The following NRTN variants were observed in gnomAD, a reference collection of about 807,000 sequenced individuals.
The protein encoded by NRTN is prepro-neurturin.
Under a neutral mutation model 7.5 loss-of-function variants are expected in NRTN, and 3 were observed. The ratio of observed to expected loss-of-function variants is 0.40; its 90% confidence interval spans 0.18 to 1.03. The LOEUF is 1.03. Among genes scored for constraint, NRTN ranks in the 50% least tolerant of loss-of-function variants. The pLI is 0.34. For synonymous variants in NRTN, 157 were observed against 146.6 expected (o/e 1.07, Z -0.51); for missense variants, 310 against 307.0 (o/e 1.01, Z -0.07).
intron 1 of NRTN, among the ~76,000 whole-genome samples, chr19:5,818,153 AG>A (rs2057012020): frequency 6.6e-6 from 1 of 152,040 alleles, no homozygotes; most frequent in Non-Finnish European, 1.5e-5. Context: ...TAGTAGAGAC[AG>A]GGTTTCACCA....
intron 1 of NRTN, among the ~76,000 whole-genome samples, chr19:5,814,569 G>A (rs1005050330): frequency 1.3e-5 from 2 of 152,172 alleles, no homozygotes; most frequent in African/African-American, 4.8e-5. Flanking sequence ...GGTGGGAAGG[G>A]GAGTGGGGGT....
rs1266881342 is a variant in NRTN, at chr19:5,806,907, G to A, written c.-399+1456G>A. On this transcript the variant is annotated intron_variant, in intron 1 of 2. Transcript: ENST00000303212. The surrounding 1 kb of genome is among the most constrained non-coding windows in gnomAD (Gnocchi z 5.4). ...CACAACACAATCAAAAGATTGTTTC[G>A]ACAAATGTGTGTCGATGGCAACCGC... 2.0e-5 allele frequency among the ~76,000 whole-genome samples: 3 copies of A among 152,154 alleles called. No individual in the cohort carries two copies. The highest frequency in any genetic ancestry group is 6.6e-5 in the Admixed American group (1 of 15,240).
At chr19:5,826,023 T>TA (rs1006411672) in intron 2 of NRTN, among the ~76,000 whole-genome samples, 1 of 151,954 alleles carries the variant, frequency 6.6e-6, no homozygotes, top group African/African-American at 2.4e-5. Flanking sequence ...TAGTCCCAGC[T>TA]ACTCGGGAGG....
intron 1 of NRTN, among the ~76,000 whole-genome samples, chr19:5,815,582 T>TGA (rs1274310300): frequency 6.6e-6 from 1 of 151,734 alleles, no homozygotes; most frequent in East Asian, 1.9e-4. Flanking sequence ...ATTACAGGCG[T>TGA]GCACTACCAC....
chr19:5,822,127 T>C (rs774265310), intron 1 of NRTN, among the ~76,000 whole-genome samples: 15 of 151,186 alleles, frequency 9.9e-5, no homozygotes, highest in Admixed American at 2.6e-4. Flanking sequence ...TCGCCGTCCA[T>C]GGGGGTGAGT....
chr19:5,816,846 T>C (rs1009907731), intron 1 of NRTN, among the ~76,000 whole-genome samples: 3 of 152,204 alleles, frequency 2.0e-5, no homozygotes, highest in African/African-American at 7.2e-5. Context: ...GGTGGAAGCG[T>C]CCAAGTGTGT....
At position 5,806,232 on chromosome 19, in the gene NRTN, G is replaced by A. The variant is rs1443082117; in HGVS notation, c.-399+781G>A. Among the ~76,000 whole-genome samples, 4 of 152,062 alleles carry A rather than the reference G, an allele frequency of 2.6e-5. No homozygotes were observed. The highest frequency in any genetic ancestry group is 5.9e-5 in the Non-Finnish European group (4 of 68,004). ...TGCAGACAGATTAGTGGGGAGGGGG[G>A]TGTGCTGGAGAGAGAAATGGCTCTC... On this transcript the variant is annotated intron_variant, in intron 1 of 2. Transcript: ENST00000303212. This position sits in a 1 kb window ranked among gnomAD's most constrained non-coding sequence, Gnocchi z 5.4.
At chr19:5,826,536 G>C (rs1392308135) in intron 2 of NRTN, among the ~76,000 whole-genome samples, 1 of 152,190 alleles carries the variant, frequency 6.6e-6, no homozygotes, top group Non-Finnish European at 1.5e-5. Context: ...AACCCCAGGA[G>C]ACAGACAGCC....
intron 2 of NRTN, among the ~76,000 whole-genome samples, chr19:5,825,996 G>C (rs559388836): frequency 3.9e-5 from 6 of 152,266 alleles, no homozygotes; most frequent in Non-Finnish European, 7.4e-5. Context: ...TTAGCCGGGC[G>C]TGGTGGCGGG....
In NRTN at chr19:5,828,216, C is replaced by T. The variant is rs1418677899; in HGVS notation, c.*43C>T. ...GGCGCGGCGGCCACTCCCCCCGCCT[C>T]GACGGCACCACTGGCCGGCCCCGCG... On this transcript the variant is annotated 3_prime_UTR_variant, in exon 3 of 3. Coordinates refer to ENST00000303212, the MANE Select transcript of NRTN (RefSeq NM_004558.5). 6.6e-7 allele frequency: 1 copy of T among 1,525,526 alleles called. No individual in the cohort carries two copies. The highest frequency in any genetic ancestry group is 8.8e-7 in the Non-Finnish European group (1 of 1,141,834). 94.5% of individuals were successfully genotyped at this position (1,525,526 alleles called of 1,614,324 possible).
rs373375221 is a variant in NRTN, at chr19:5,826,257, C to T, written c.170-1492C>T. Among the ~76,000 whole-genome samples, 15 of 152,262 alleles carry T rather than the reference C, an allele frequency of 9.9e-5. No individual in the cohort carries two copies. In the East Asian group the frequency reaches 2.3e-3, roughly 24 times the overall value. ...CACCCCTCTGGGGTTGGGTGTGCCC[C>T]CTAACCCCCCAGCACAGTCCTGGCC... is the stretch of plus-strand genomic sequence containing the variant. On this transcript the variant is annotated intron_variant, in intron 2 of 2. Transcript: ENST00000303212.
At chr19:5,825,110 G>A (rs1443233506) in intron 2 of NRTN, among the ~76,000 whole-genome samples, 1 of 151,992 alleles carries the variant, frequency 6.6e-6, no homozygotes, top group East Asian at 1.9e-4. Flanking sequence ...CCGGAAGAAA[G>A]GCCCAGAGAT....
chr19:5,819,355 C>T (rs185964610), intron 1 of NRTN, among the ~76,000 whole-genome samples: 7 of 151,886 alleles, frequency 4.6e-5, no homozygotes, highest in African/African-American at 1.5e-4. Flanking sequence ...GATGAGACAT[C>T]GTCTCTACAA....
At chr19:5,818,387 G>C (rs917471542) in intron 1 of NRTN, among the ~76,000 whole-genome samples, 1 of 152,138 alleles carries the variant, frequency 6.6e-6, no homozygotes, top group African/African-American at 2.4e-5. Flanking sequence ...AAGAACCTGA[G>C]TGTGAGGATA....
chr19:5,824,975 G>A (rs2057040243), intron 2 of NRTN, among the ~76,000 whole-genome samples: 1 of 152,080 alleles, frequency 6.6e-6, no homozygotes, highest in Admixed American at 6.6e-5. Flanking sequence ...GCATTCGCCT[G>A]GTTGGCCCCC....
chr19:5,827,192 C>T (rs1250800191), intron 2 of NRTN, among the ~76,000 whole-genome samples: 1 of 152,170 alleles, frequency 6.6e-6, no homozygotes, highest in Non-Finnish European at 1.5e-5. Flanking sequence ...TCAGAGCAGA[C>T]GTCGGGGCCT....
In NRTN at chr19:5,826,527, A is replaced by G. The variant is rs558560637; in HGVS notation, c.170-1222A>G. ...GAACAGACATCTCCTCCCCCACCAA[A>G]CCCCAGGAGACAGACAGCCCCTCCT... On this transcript the variant is annotated intron_variant, in intron 2 of 2. Coordinates refer to ENST00000303212, the MANE Select transcript of NRTN (RefSeq NM_004558.5). Among the ~76,000 whole-genome samples, 6 of 152,050 alleles carry G rather than the reference A, an allele frequency of 3.9e-5. No homozygotes were observed. The East Asian group carries it at 1.2e-3, about 29-fold the overall frequency.
At chr19:5,817,436 AAAGG>A (rs767183534) in intron 1 of NRTN, among the ~76,000 whole-genome samples, 29 of 134,232 alleles carry the variant, frequency 2.2e-4, no homozygotes, top group Admixed American at 9.4e-4. Context: ...AGAAAGAGAG[AAAGG>A]AAGGAAGGAA....
chr19:5,811,706 TTTTG>T (rs201167147), intron 1 of NRTN, among the ~76,000 whole-genome samples: 13 of 138,182 alleles, frequency 9.4e-5, no homozygotes, highest in South Asian at 4.6e-4. Context: ...CTAATTTGTT[TTTTG>T]TTTTTTTTTT....
Sources: gnomAD v4.1 joint callset for allele counts (sites outside exome capture counted in the v4.1 genomes callset) on GRCh38, gnomAD v4.1.1 for gene constraint, Gnocchi (gnomAD v3.1) non-coding constraint, MANE v1.5 for transcripts, NCBI Gene and HGNC (gene_info 2026-07-23, HGNC 2026-07-21) for gene names.